Variants in AGTRAP observed in about 807,000 individuals in gnomAD.
AGTRAP encodes angiotensin II receptor associated protein.
AGTRAP carries 7 observed loss-of-function variants against 15.2 expected under a neutral mutation model. That is an observed-to-expected ratio of 0.46 (90% CI 0.26 to 0.87). AGTRAP has a LOEUF of 0.87. Ranked by LOEUF, AGTRAP falls within the 40% of genes least tolerant of loss-of-function variation. The pLI is 0.15. For missense variants in AGTRAP, 187 were observed against 213.4 expected, an observed-to-expected ratio of 0.88 and a Z score of 0.77; for synonymous variants, 74 against 89.6, an observed-to-expected ratio of 0.83 and a Z score of 0.98.
chr1:11,748,496 A>G lies in AGTRAP; in HGVS notation c.250A>G (p.Thr84Ala). 6.2e-7 allele frequency: 1 copy of G among 1,613,418 alleles called. No individual in the cohort carries two copies. Among genetic ancestry groups the G allele is most frequent in the Non-Finnish European group, 8.5e-7 (1 of 1,180,012 alleles). ...CTACCCGCGGGTCAGCCTCACGGAC[A>G]CGGGCCGCTTTGGCGTGGGCATGGC... ...IFYPRVSLTDTGRFGVGMAIL... is the reference protein window; with the variant it reads ...IFYPRVSLTDAGRFGVGMAIL... The change falls in exon 4 of 5, where the codon ACG becomes GCG. Residue 84 changes from threonine to alanine, a missense_variant. Thr to Ala is a moderately conservative substitution (Grantham distance 58). Coordinates refer to ENST00000314340, the MANE Select transcript of AGTRAP (RefSeq NM_020350.5).
In AGTRAP at chr1:11,739,932, G is replaced by T. The variant is rs544030154; in HGVS notation, c.27+3697G>T. Among the ~76,000 whole-genome samples the T allele has an allele frequency of 2.0e-5, 3 of 152,346 alleles. No homozygotes were observed. The East Asian group carries it at 5.8e-4, about 29-fold the overall frequency. On this transcript the variant is annotated intron_variant, in intron 1 of 4. Coordinates refer to ENST00000314340, the MANE Select transcript of AGTRAP (RefSeq NM_020350.5). The stretch of plus-strand genomic sequence containing the variant: ...AAAGGAGCCTGAGGCCTTGGCGCCT[G>T]GACCAGCACCCAGGTTTCCTGTTCC...
At chr1:11,748,356 C>G in intron 3 of AGTRAP, 59 bp from the exon 4 acceptor site, 2 of 1,548,338 alleles carry the variant, frequency 1.3e-6, no homozygotes, top group Non-Finnish European at 1.8e-6. Flanking sequence ...CGGTGTGTGG[C>G]GGGGGAGCCA....
chr1:11,740,600 A>T lies in AGTRAP; in HGVS notation c.27+4365A>T, dbSNP rs145553379. The stretch of plus-strand genomic sequence containing the variant: ...TTACAGGCCCTTCCAGCGCTAGGAA[A>T]AGCCTTTACCTCATAGGTTGTAAGC... On this transcript the variant is annotated intron_variant, in intron 1 of 4. Coordinates refer to ENST00000314340, the MANE Select transcript of AGTRAP (RefSeq NM_020350.5). Among the ~76,000 whole-genome samples the T allele has an allele frequency of 1.4e-3, 210 of 152,262 alleles. 2 individuals carry two copies. Among genetic ancestry groups the T allele is most frequent in the Non-Finnish European group, 2.8e-3 (191 of 68,020 alleles).
intron 2 of AGTRAP, chr1:11,746,326 T>G: frequency 1.8e-6 from 2 of 1,086,242 alleles, no homozygotes; most frequent in Non-Finnish European, 2.6e-6. Flanking sequence ...AGTTGGTGAT[T>G]CTGGGCTGGG....
chr1:11,740,610 C>T (rs2100764196), intron 1 of AGTRAP, among the ~76,000 whole-genome samples: 1 of 152,286 alleles, frequency 6.6e-6, no homozygotes, highest in East Asian at 1.9e-4. Context: ...AAGCCTTTAC[C>T]TCATAGGTTG....
intron 2 of AGTRAP, among the ~76,000 whole-genome samples, chr1:11,746,879 G>A (rs535424516): frequency 6.6e-6 from 1 of 152,216 alleles, no homozygotes; most frequent in Non-Finnish European, 1.5e-5. Flanking sequence ...GGCGGGCCTT[G>A]TGTTAGGAAA....
intron 4 of AGTRAP, among the ~76,000 whole-genome samples, chr1:11,749,411 T>G (rs951284315): frequency 1.3e-5 from 2 of 152,018 alleles, no homozygotes; most frequent in Non-Finnish European, 1.5e-5. Context: ...ACCTCAGCAC[T>G]GCCTGGGCCT....
chr1:11,737,487 TC>T (rs1171445332), intron 1 of AGTRAP, among the ~76,000 whole-genome samples: 1 of 152,212 alleles, frequency 6.6e-6, no homozygotes, highest in African/African-American at 2.4e-5. Flanking sequence ...TTTATGGGCT[TC>T]TGTGGTGTGC....
Position 11,736,165 on chromosome 1 carries a change from AGCCCCCC to A in AGTRAP, c.-41_-35del. The A allele has an allele frequency of 6.3e-7, 1 of 1,584,070 alleles. No individual in the cohort carries two copies. Among genetic ancestry groups the A allele is most frequent in the Non-Finnish European group, 8.6e-7 (1 of 1,166,114 alleles). On this transcript the variant is annotated 5_prime_UTR_variant, in exon 1 of 5. Transcript: ENST00000314340. ...TTGTTCCCCGAGTTCGGAGCCTAGG[AGCCCCCC>A]GCGGCTGCGGCGCAGGTGCCCTCGG...
At chr1:11,749,016 G>A (rs1006247726) in intron 4 of AGTRAP, among the ~76,000 whole-genome samples, 2 of 152,152 alleles carry the variant, frequency 1.3e-5, no homozygotes, top group African/African-American at 4.8e-5. Flanking sequence ...TGCCACATGG[G>A]GTCTTCCCTC....
At chr1:11,746,663 C>G (rs748790621) in intron 2 of AGTRAP, 88 of 166,462 alleles carry the variant, frequency 5.3e-4, no homozygotes, top group Admixed American at 5.1e-4. Flanking sequence ...GTTACTTAAC[C>G]TCATTGTGTC....
chr1:11,744,500 C>T lies in AGTRAP; in HGVS notation c.28-1303C>T, dbSNP rs761579898. ...CCTCCCTTTGCCCGCTCTCTCCAGC[C>T]ACAACAGCTGCTTTCCCCTCTGCCC... On this transcript the variant is annotated intron_variant, in intron 1 of 4. Transcript: ENST00000314340. The T allele has an allele frequency of 7.0e-6, 5 of 714,228 alleles. No homozygotes were observed. The African/African-American group carries it at 7.0e-5, about 10-fold the overall frequency. The allele number at this position is 714,228 out of a possible 1,614,324, so 44.2% of individuals were successfully genotyped here.
chr1:11,746,254 T>C (rs762853060), intron 2 of AGTRAP: 1 of 1,552,810 alleles, frequency 6.4e-7, no homozygotes, highest in Admixed American at 1.8e-5. Flanking sequence ...CCATCATGAT[T>C]CACGACCTTG....
intron 1 of AGTRAP, among the ~76,000 whole-genome samples, chr1:11,741,416 G>A (rs935372420): frequency 2.0e-5 from 3 of 152,224 alleles, no homozygotes; most frequent in African/African-American, 4.8e-5. Flanking sequence ...GCGCAGCTCC[G>A]AATCTGCTCT....
rs371737127 is a variant in AGTRAP, at chr1:11,750,234, G to A, written c.*42G>A. 46 of 1,514,752 alleles carry A rather than the reference G, an allele frequency of 3.0e-5. No homozygotes were observed. The highest frequency in any genetic ancestry group is 1.8e-4 in the East Asian group (8 of 44,108). 93.8% of individuals were successfully genotyped at this position (1,514,752 alleles called of 1,614,324 possible). ...CCCGGCCCTGCCCCGGGCCTTCCTC[G>A]TGCCTGGGAGGTCGTTCTAGGGATG... is the stretch of plus-strand genomic sequence containing the variant. On this transcript the variant is annotated 3_prime_UTR_variant, in exon 5 of 5. Coordinates refer to ENST00000314340, the MANE Select transcript of AGTRAP (RefSeq NM_020350.5).
chr1:11,742,838 T>C lies in AGTRAP; in HGVS notation c.28-2965T>C, dbSNP rs570165026. The stretch of plus-strand genomic sequence containing the variant: ...AGCCACCAGACCTGGCCCACAGTTC[T>C]TTTTTGCAGGTGGTGAGGGCTCCTT... On this transcript the variant is annotated intron_variant, in intron 1 of 4. Transcript: ENST00000314340. Among the ~76,000 whole-genome samples, 8 of 152,282 alleles carry C rather than the reference T, an allele frequency of 5.3e-5. No homozygotes were observed. In the East Asian group the frequency reaches 1.2e-3, roughly 22 times the overall value.
chr1:11,748,605 A>C lies in AGTRAP; in HGVS notation c.359A>C (p.His120Pro). The stretch of plus-strand genomic sequence containing the variant: ...GAGCGCGGGGGTGAGCTCCTGGTCC[A>C]CACTGGTGAGGCCACCACCTCCAGC... ...YRERGGELLV[H>P]TGFLGSSQDR... The change falls in exon 4 of 5, where the codon CAC (histidine) becomes CCC (proline). Residue 120 changes from histidine (H) to proline (P), a missense_variant. Physicochemically the swap from His to Pro is moderately conservative, Grantham distance 77. Transcript: ENST00000314340. The C allele has an allele frequency of 6.2e-7, 1 of 1,605,838 alleles. No homozygotes were observed. Among genetic ancestry groups the C allele is most frequent in the Non-Finnish European group, 8.5e-7 (1 of 1,179,434 alleles).
In AGTRAP at chr1:11,750,606, G is replaced by A; in HGVS notation, c.*414G>A. The stretch of plus-strand genomic sequence containing the variant: ...GAGCTTCAGGTCCTGCTCAGCCCGA[G>A]GAGCAGTCTGGCATGGGAGTGAGGC... On this transcript the variant is annotated 3_prime_UTR_variant, in exon 5 of 5. Transcript: ENST00000314340. The A allele has an allele frequency of 2.3e-6, 1 of 429,732 alleles. No individual in the cohort carries two copies. The highest frequency in any genetic ancestry group is 4.2e-6 in the Non-Finnish European group (1 of 235,990). 26.6% of individuals were successfully genotyped at this position (429,732 alleles called of 1,614,324 possible).
In AGTRAP at chr1:11,745,108, G is replaced by A. The variant is rs1385081367; in HGVS notation, c.28-695G>A. ...GACCTCAGGTGATCCACCCACCTCGGCCTCCCAAAATGCTGGGATTACAGG... is the reference window on the plus strand; with the variant it reads ...GACCTCAGGTGATCCACCCACCTCGACCTCCCAAAATGCTGGGATTACAGG... On this transcript the variant is annotated intron_variant, in intron 1 of 4. Transcript: ENST00000314340. The surrounding 1 kb of genome is among the most constrained non-coding windows in gnomAD (Gnocchi z 4.2). 6.6e-6 allele frequency among the ~76,000 whole-genome samples: 1 copy of A among 151,734 alleles called. No homozygotes were observed. The highest frequency in any genetic ancestry group is 1.9e-4 in the East Asian group (1 of 5,134).
Sources: allele counts gnomAD v4.1 joint callset (sites outside exome capture counted in the v4.1 genomes callset), GRCh38; gene constraint gnomAD v4.1.1; non-coding constraint Gnocchi (gnomAD v3.1); transcripts MANE v1.5; gene names NCBI Gene and HGNC (gene_info 2026-07-23, HGNC 2026-07-21).